The following NHSL2 variants were observed in gnomAD, a reference collection of about 807,000 sequenced individuals.
The protein encoded by NHSL2 is NHS-like protein 2.
A neutral mutation model predicts 53.4 loss-of-function variants in NHSL2; 27 were observed. That is an observed-to-expected ratio of 0.51 (90% confidence interval 0.37 to 0.70). The LOEUF (loss-of-function observed/expected upper bound fraction) is 0.70. Among genes scored for constraint, NHSL2 ranks in the 30% least tolerant of loss-of-function variants. The pLI is 0.00. For synonymous variants in NHSL2, 408 were observed against 404.1 expected, an observed-to-expected ratio of 1.01 and a Z score of -0.12; for missense variants, 892 against 980.1, an observed-to-expected ratio of 0.91 and a Z score of 1.20.
chrX:72,078,836 A>C (rs1298868256), intron 1 of NHSL2, among the ~76,000 whole-genome samples: 2 of 112,356 alleles, frequency 1.8e-5, no homozygotes, highest in African/African-American at 3.2e-5. Context: ...ATGCTGTACA[A>C]ATACATTCTG....
At chrX:71,986,015 A>G (rs1488303742) in intron 1 of NHSL2, among the ~76,000 whole-genome samples, 2 of 112,028 alleles carry the variant, frequency 1.8e-5, no homozygotes, top group Non-Finnish European at 3.8e-5. Flanking sequence ...ATTTTATGTA[A>G]TAATTATAAT....
rs745975826 is a variant in NHSL2, at chrX:72,150,671, G to C, written c.*7097G>C. On this transcript the variant is annotated 3_prime_UTR_variant, in exon 8 of 8. Transcript: ENST00000633930. ...CTTAGTGTGGCTCTCTCTTTAGTTGGGGCCTCCTTCCTTAGTACATGCATA... is the reference window on the plus strand; with the variant it reads ...CTTAGTGTGGCTCTCTCTTTAGTTGCGGCCTCCTTCCTTAGTACATGCATA... 8.9e-6 allele frequency: 1 copy of C among 111,956 alleles called. No individual in the cohort carries two copies. The highest frequency in any genetic ancestry group is 9.5e-5 in the Admixed American group (1 of 10,576). The allele number at this position is 111,956 out of a possible 1,213,427, so 9.2% of individuals were successfully genotyped here. A position where few individuals can be genotyped will look rare whatever the true frequency, so the allele number is the denominator to read the frequency against.
At chrX:72,060,091 G>T (rs2042391487) in intron 1 of NHSL2, among the ~76,000 whole-genome samples, 1 of 112,142 alleles carries the variant, frequency 8.9e-6, no homozygotes, top group Non-Finnish European at 1.9e-5. Flanking sequence ...GACCTCAGAA[G>T]CATGAGGCCA....
At position 72,143,739 on chromosome X, in the gene NHSL2, C is replaced by T; in HGVS notation, c.*165C>T. 1 of 399,112 alleles carries T rather than the reference C, an allele frequency of 2.5e-6. No individual in the cohort carries two copies. The highest frequency in any genetic ancestry group is 4.4e-6 in the Non-Finnish European group (1 of 228,583). The allele number at this position is 399,112 out of a possible 1,213,427, so 32.9% of individuals were successfully genotyped here. A position where few individuals can be genotyped will look rare whatever the true frequency, so the allele number is the denominator to read the frequency against. On this transcript the variant is annotated 3_prime_UTR_variant, in exon 8 of 8. Transcript: ENST00000633930. ...AGGCTACTTCATCTAGAGCTAAAAT[C>T]ATCTGGCACTTAATCATCTTCAGAC... is the stretch of plus-strand genomic sequence containing the variant.
At chrX:71,976,834 C>T (rs2041950603) in intron 1 of NHSL2, among the ~76,000 whole-genome samples, 1 of 112,250 alleles carries the variant, frequency 8.9e-6, no homozygotes, top group Non-Finnish European at 1.9e-5. Context: ...GAGAGACTTG[C>T]GATTCACTTC....
At chrX:72,097,668 T>A (rs1380037070) in intron 1 of NHSL2, among the ~76,000 whole-genome samples, 1 of 111,856 alleles carries the variant, frequency 8.9e-6, no homozygotes, top group African/African-American at 3.3e-5. Flanking sequence ...TGAGACCTCT[T>A]GTCTTTCTTC....
intron 1 of NHSL2, among the ~76,000 whole-genome samples, chrX:72,059,853 T>A (rs1370287576): frequency 2.7e-5 from 3 of 112,193 alleles, no homozygotes; most frequent in Non-Finnish European, 5.6e-5. Flanking sequence ...TTTCTATGCA[T>A]TCTCTTTCAG....
At chrX:72,017,027 C>A (rs1272407328) in intron 1 of NHSL2, among the ~76,000 whole-genome samples, 1 of 111,510 alleles carries the variant, frequency 9.0e-6, no homozygotes, top group Non-Finnish European at 1.9e-5. Context: ...ATGGGAAGTA[C>A]CAGAAATTAG....
At chrX:72,013,709 AAT>A (rs1331758027) in intron 1 of NHSL2, among the ~76,000 whole-genome samples, 2 of 110,293 alleles carry the variant, frequency 1.8e-5, no homozygotes, top group Non-Finnish European at 3.8e-5. Context: ...TCCAGAAAAA[AAT>A]ATATATATAT....
chrX:71,973,770 AG>A (rs898526265), intron 1 of NHSL2, among the ~76,000 whole-genome samples: 2 of 111,787 alleles, frequency 1.8e-5, no homozygotes, highest in African/African-American at 3.3e-5. Context: ...CTGCCCTACA[AG>A]CTGGGACTGG....
At chrX:72,085,464 C>A (rs6525567) in intron 1 of NHSL2, among the ~76,000 whole-genome samples, 2 of 110,260 alleles carry the variant, frequency 1.8e-5, no homozygotes, top group African/African-American at 3.3e-5. Flanking sequence ...ACCTTCTTAA[C>A]CACCTGTGAA....
intron 5 of NHSL2, among the ~76,000 whole-genome samples, 151 bp downstream of exon 5, chrX:72,137,376 A>T (rs984030808): frequency 7.8e-4 from 88 of 112,498 alleles, no homozygotes; most frequent in Non-Finnish European, 3.8e-5. Flanking sequence ...TATGGTAATT[A>T]AGAATAGCTA....
At chrX:72,031,951 G>A (rs1017334929) in intron 1 of NHSL2, among the ~76,000 whole-genome samples, 21 of 111,548 alleles carry the variant, frequency 1.9e-4, no homozygotes, top group Middle Eastern at 4.2e-3. Context: ...TCCGCAGAGC[G>A]TATTCAGGTT....
At chrX:71,954,111 G>T (rs1229225736) in intron 1 of NHSL2, among the ~76,000 whole-genome samples, 1 of 112,203 alleles carries the variant, frequency 8.9e-6, no homozygotes, top group Non-Finnish European at 1.9e-5. Context: ...TCCCTGGGGG[G>T]CTGTCCCTGG....
chrX:72,057,193 T>C (rs1410036690), intron 1 of NHSL2, among the ~76,000 whole-genome samples: 1 of 112,503 alleles, frequency 8.9e-6, no homozygotes, highest in Non-Finnish European at 1.9e-5. Flanking sequence ...CTTGTTTGCA[T>C]TCAAGGGCAC....
At chrX:71,965,968 C>A (rs952113170) in intron 1 of NHSL2, 2 of 112,721 alleles carry the variant, frequency 1.8e-5, no homozygotes, top group Non-Finnish European at 3.8e-5. Context: ...GATAAATATA[C>A]ACCAAACATA....
At chrX:72,029,093 A>C (rs1005553248) in intron 1 of NHSL2, among the ~76,000 whole-genome samples, 1 of 111,333 alleles carries the variant, frequency 9.0e-6, no homozygotes, top group Non-Finnish European at 1.9e-5. Flanking sequence ...GTATGTGTGT[A>C]TGATATAGGA....
chrX:71,979,210 A>G (rs2147865502), intron 1 of NHSL2, among the ~76,000 whole-genome samples: 1 of 110,635 alleles, frequency 9.0e-6, no homozygotes, highest in East Asian at 2.8e-4. Flanking sequence ...GAATAGTGCC[A>G]CAGTAAACAT....
intron 1 of NHSL2, among the ~76,000 whole-genome samples, chrX:71,987,266 C>T (rs1012037025): frequency 3.6e-5 from 4 of 112,102 alleles, no homozygotes; most frequent in African/African-American, 1.3e-4. Context: ...ACGTGTTACA[C>T]GGTTAATTCT....
Sources: allele counts gnomAD v4.1 joint callset (sites outside exome capture counted in the v4.1 genomes callset), GRCh38; gene constraint gnomAD v4.1.1; transcripts MANE v1.5; gene names NCBI Gene and HGNC (gene_info 2026-07-23, HGNC 2026-07-21).